TMEM232: variants seen among roughly 807,000 people sequenced by gnomAD.
TMEM232 encodes transmembrane protein 232.
A neutral mutation model predicts 78.8 loss-of-function variants in TMEM232; 80 were observed. The ratio of observed to expected loss-of-function variants is 1.01; its 90% confidence interval spans 0.85 to 1.22. The LOEUF (loss-of-function observed/expected upper bound fraction) is 1.22, where lower values mean the gene tolerates loss of function less well. Ranked by LOEUF, TMEM232 falls within the 50% of genes most tolerant of loss-of-function variation. TMEM232 has a pLI of 0.00. For missense variants in TMEM232, 881 were observed against 742.2 expected (o/e 1.19, Z -2.17); for synonymous variants, 297 against 254.3 (o/e 1.17, Z -1.60).
chr5:110,687,198 G>T (rs1303940345), intron 1 of TMEM232, among the ~76,000 whole-genome samples: 2 of 152,042 alleles, frequency 1.3e-5, no homozygotes, highest in African/African-American at 4.8e-5. Flanking sequence ...GGAATTTGTG[G>T]CACAAGAACC....
In TMEM232 at chr5:110,537,917, A is replaced by C. The variant is rs1277902509; in HGVS notation, c.1456-9082T>G. Among the ~76,000 whole-genome samples, 8 of 152,300 alleles carry C rather than the reference A, an allele frequency of 5.3e-5. 1 individual carries two copies. The highest frequency in any genetic ancestry group is 5.2e-4 in the Admixed American group (8 of 15,294). On this transcript the variant is annotated intron_variant, in intron 11 of 13. Coordinates refer to ENST00000455884, the MANE Select transcript of TMEM232 (RefSeq NM_001039763.4). ...GCAACCTGTTGCACCCCCTTGGAAAAAAAGATGAAATCTTTGAGGCCGCCC... is the reference window on the plus strand; with the variant it reads ...GCAACCTGTTGCACCCCCTTGGAAACAAAGATGAAATCTTTGAGGCCGCCC...
intron 2 of TMEM232, among the ~76,000 whole-genome samples, chr5:110,647,340 G>C (rs1043190935): frequency 4.6e-5 from 7 of 151,834 alleles, no homozygotes; most frequent in Non-Finnish European, 1.0e-4. Context: ...TTATAAATTT[G>C]GGTGGACACA....
intron 2 of TMEM232, among the ~76,000 whole-genome samples, chr5:110,657,076 C>T (rs1168049876): frequency 2.6e-5 from 4 of 151,918 alleles, no homozygotes; most frequent in African/African-American, 9.7e-5. Context: ...CATTGAAAGC[C>T]ACCTCATCCC....
intron 12 of TMEM232, among the ~76,000 whole-genome samples, chr5:110,492,744 ATACTC>A (rs1455672993): frequency 2.0e-5 from 3 of 152,032 alleles, no homozygotes; most frequent in Middle Eastern, 3.2e-3. Context: ...CTAAGAACCA[ATACTC>A]TACAGAGAGA....
At chr5:110,433,034 G>A (rs192340934) in intron 12 of TMEM232, among the ~76,000 whole-genome samples, 186 of 151,836 alleles carry the variant, frequency 1.2e-3, no homozygotes, top group African/African-American at 4.1e-3. Context: ...CAAAATAATA[G>A]TGGTGTACTT....
intron 12 of TMEM232, among the ~76,000 whole-genome samples, chr5:110,527,645 C>A (rs1322820703): frequency 6.6e-6 from 1 of 151,738 alleles, no homozygotes; most frequent in African/African-American, 2.4e-5. Context: ...ATAGCAGGTA[C>A]AATGAACAAC....
At chr5:110,532,579 C>T (rs894681703) in intron 11 of TMEM232, among the ~76,000 whole-genome samples, 1 of 151,946 alleles carries the variant, frequency 6.6e-6, no homozygotes, top group African/African-American at 2.4e-5. Context: ...TTTAGTATCC[C>T]CACCTGCCCA....
At position 110,441,269 on chromosome 5, in the gene TMEM232, GA is replaced by G. The variant is rs1759011114; in HGVS notation, c.1704-16354del. On this transcript the variant is annotated intron_variant, in intron 12 of 13. Coordinates refer to ENST00000455884, the MANE Select transcript of TMEM232 (RefSeq NM_001039763.4). Reference sequence around the variant, plus strand: ...AACATCCCCTACTATGATAATCGAAGATTTCTATTGACAAGGTCCCTTGAGA... The same window carrying G: ...AACATCCCCTACTATGATAATCGAAGTTTCTATTGACAAGGTCCCTTGAGA... Among the ~76,000 whole-genome samples, 5 of 152,108 alleles carry G rather than the reference GA, an allele frequency of 3.3e-5. No homozygotes were observed. The South Asian group carries it at 1.0e-3, about 32-fold the overall frequency.
intron 2 of TMEM232, among the ~76,000 whole-genome samples, chr5:110,731,878 A>T (rs1798710052): frequency 6.6e-6 from 1 of 152,156 alleles, no homozygotes; most frequent in Admixed American, 6.5e-5. Flanking sequence ...ATTTCTCCTC[A>T]AAAAATAGGT....
Position 110,603,701 on chromosome 5 carries a change from T to C in TMEM232, c.1276+1408A>G, listed in dbSNP as rs541305535. The stretch of plus-strand genomic sequence containing the variant: ...TAATAATATAAACATGGAAGAAATA[T>C]AATTTTTGTACTTAAGAATAAAGAT... On this transcript the variant is annotated intron_variant, in intron 10 of 13. Transcript: ENST00000455884. 5.6e-4 allele frequency among the ~76,000 whole-genome samples: 86 copies of C among 152,256 alleles called. No individual in the cohort carries two copies. In the South Asian group the frequency reaches 0.017, roughly 31 times the overall value.
chr5:110,432,317 G>C (rs1371461246), intron 12 of TMEM232, among the ~76,000 whole-genome samples: 2 of 151,626 alleles, frequency 1.3e-5, no homozygotes, highest in East Asian at 3.9e-4. Flanking sequence ...AGAAGATATT[G>C]GGGGCCCACA....
intron 1 of TMEM232, among the ~76,000 whole-genome samples, chr5:110,680,959 G>A (rs1003158167): frequency 3.3e-5 from 5 of 151,978 alleles, no homozygotes; most frequent in African/African-American, 1.2e-4. Context: ...AGGAAGAAAA[G>A]GGGTAAAGAG....
chr5:110,441,701 G>C (rs1759062262), intron 12 of TMEM232, among the ~76,000 whole-genome samples: 2 of 152,106 alleles, frequency 1.3e-5, no homozygotes, highest in South Asian at 2.1e-4. Flanking sequence ...TGCCTTACTG[G>C]AGAAGCCTAC....
chr5:110,667,510 T>A, intron 1 of TMEM232, 146 bp from the exon 2 acceptor site: 1 of 584,700 alleles, frequency 1.7e-6, no homozygotes, highest in Non-Finnish European at 2.7e-6. Context: ...AGAATTTAAA[T>A]AAATAAGTAA....
At chr5:110,497,403 T>C (rs753207697) in intron 12 of TMEM232, among the ~76,000 whole-genome samples, 3 of 152,088 alleles carry the variant, frequency 2.0e-5, no homozygotes, top group Non-Finnish European at 4.4e-5. Flanking sequence ...AGGATTTGGG[T>C]AGACTTGCAT....
At chr5:110,504,723 G>A (rs1016981475) in intron 12 of TMEM232, among the ~76,000 whole-genome samples, 1 of 152,188 alleles carries the variant, frequency 6.6e-6, no homozygotes, top group East Asian at 1.9e-4. Context: ...TAGCCTTTTT[G>A]TTCTATTCAG....
At chr5:110,703,987 A>G (rs929418723) in intron 1 of TMEM232, among the ~76,000 whole-genome samples, 18 of 152,098 alleles carry the variant, frequency 1.2e-4, no homozygotes, top group African/African-American at 3.9e-4. Flanking sequence ...TTACAGGTTA[A>G]TCTGGATGAG....
intron 1 of TMEM232, among the ~76,000 whole-genome samples, chr5:110,673,245 C>A (rs948226902): frequency 6.7e-6 from 1 of 148,822 alleles, no homozygotes; most frequent in Admixed American, 6.9e-5. Context: ...CAGGTGGGAA[C>A]TGAACAATGA....
upstream of TMEM232, among the ~76,000 whole-genome samples, chr5:110,729,271 C>T (rs1489831447): frequency 6.6e-6 from 1 of 152,264 alleles, no homozygotes; most frequent in South Asian, 2.1e-4. Context: ...CATGAGCTCT[C>T]GTTTCTTAAT....
Sources: gnomAD v4.1 joint callset for allele counts (sites outside exome capture counted in the v4.1 genomes callset) on GRCh38, gnomAD v4.1.1 for gene constraint, MANE v1.5 for transcripts, NCBI Gene and HGNC (gene_info 2026-07-23, HGNC 2026-07-21) for gene names.